The following ACOT12 variants were observed in gnomAD, a reference collection of about 807,000 sequenced individuals.
The protein encoded by ACOT12 is acetyl-coenzyme A thioesterase.
In ACOT12, 51 loss-of-function variants were observed where a neutral mutation model predicts 67.7. The ratio of observed to expected loss-of-function variants is 0.75; its 90% CI spans 0.60 to 0.95. The LOEUF (loss-of-function observed/expected upper bound fraction) is 0.95, where lower values mean the gene tolerates loss of function less well. Among genes scored for constraint, ACOT12 ranks in the 40% least tolerant of loss-of-function variants. ACOT12 has a pLI of 0.00. For synonymous variants in ACOT12, 251 were observed against 244.6 expected (o/e 1.03, Z -0.24); for missense variants, 734 against 708.1 (o/e 1.04, Z -0.41).
intron 2 of ACOT12, among the ~76,000 whole-genome samples, chr5:81,378,013 A>C (rs1264315844): frequency 6.6e-6 from 1 of 152,242 alleles, no homozygotes; most frequent in Non-Finnish European, 1.5e-5. Flanking sequence ...ACCAAAAAAG[A>C]GCCTGAATAG....
chr5:81,345,353 A>C (rs1759348482), intron 7 of ACOT12, among the ~76,000 whole-genome samples: 1 of 152,192 alleles, frequency 6.6e-6, no homozygotes, highest in South Asian at 2.1e-4. Flanking sequence ...GGAGGGCTTA[A>C]ATTATGCCAA....
the ACOT12 span, among the ~76,000 whole-genome samples, chr5:81,323,931 C>CGTGT: frequency 1.7e-5 from 2 of 118,366 alleles, no homozygotes; most frequent in Non-Finnish European, 3.8e-5. Flanking sequence ...TGTATATATA[C>CGTGT]ATATATGTGT....
the ACOT12 span, among the ~76,000 whole-genome samples, chr5:81,310,896 G>A: frequency 1.3e-5 from 2 of 152,310 alleles, no homozygotes; most frequent in South Asian, 4.1e-4. Flanking sequence ...ACTCTTGATT[G>A]TCTAAGCATT....
intron 3 of ACOT12, among the ~76,000 whole-genome samples, chr5:81,366,558 C>T (rs1760083655): frequency 6.6e-6 from 1 of 152,058 alleles, no homozygotes; most frequent in Non-Finnish European, 1.5e-5. Context: ...TGTCAATGTA[C>T]TGTGATAGCA....
chr5:81,316,436 T>C, the ACOT12 span, among the ~76,000 whole-genome samples: 1 of 152,242 alleles, frequency 6.6e-6, no homozygotes, highest in Non-Finnish European at 1.5e-5. Flanking sequence ...CTTCCTTCAG[T>C]TAACATGATG....
intron 3 of ACOT12, among the ~76,000 whole-genome samples, chr5:81,367,044 G>C (rs1344031966): frequency 6.6e-6 from 1 of 152,156 alleles, no homozygotes; most frequent in Non-Finnish European, 1.5e-5. Flanking sequence ...AGTAGCTCTA[G>C]AAACCCAAGC....
chr5:81,332,875 G>A (rs895850814), intron 12 of ACOT12, among the ~76,000 whole-genome samples: 5 of 151,952 alleles, frequency 3.3e-5, no homozygotes, highest in African/African-American at 1.2e-4. Context: ...ACTAACCTGG[G>A]CAAAATCTTG....
intron 4 of ACOT12, among the ~76,000 whole-genome samples, chr5:81,363,490 G>A (rs1370466673): frequency 6.6e-6 from 1 of 152,108 alleles, no homozygotes; most frequent in African/African-American, 2.4e-5. Flanking sequence ...AAACCAGTAG[G>A]CAGTATTTTA....
At chr5:81,321,906 C>T in the ACOT12 span, among the ~76,000 whole-genome samples, 1 of 152,090 alleles carries the variant, frequency 6.6e-6, no homozygotes, top group Non-Finnish European at 1.5e-5. Flanking sequence ...GAGATTGTGC[C>T]ACTGCACTCC....
chr5:81,381,801 C>T (rs1481176502), intron 2 of ACOT12, among the ~76,000 whole-genome samples: 2 of 152,064 alleles, frequency 1.3e-5, no homozygotes, highest in African/African-American at 4.8e-5. Context: ...AAAAGTCATT[C>T]CTACAAAATA....
the ACOT12 span, chr5:81,308,665 A>G: frequency 6.2e-7 from 1 of 1,613,690 alleles, no homozygotes; most frequent in South Asian, 1.1e-5. Flanking sequence ...GTGGGTCCAC[A>G]GAGCACGAAA....
intron 4 of ACOT12, 148 bp from the exon 5 acceptor site, chr5:81,360,186 TA>T: frequency 2.8e-6 from 2 of 716,000 alleles, no homozygotes; most frequent in Non-Finnish European, 4.2e-6. Context: ...ATGTTATGAC[TA>T]AATTTTTTCT....
At chr5:81,341,616 G>A (rs79080083) in intron 11 of ACOT12, among the ~76,000 whole-genome samples, 4,496 of 152,304 alleles carry the variant, frequency 0.03, 97 homozygotes, top group African/African-American at 0.062. Context: ...GCATTAGTGA[G>A]CATCTCTGAA....
At chr5:81,347,637 A>C in intron 6 of ACOT12, 137 bp downstream of exon 6, 1 of 912,906 alleles carries the variant, frequency 1.1e-6, no homozygotes, top group Non-Finnish European at 1.6e-6. Flanking sequence ...TAAATGATTT[A>C]GAAATCATTA....
chr5:81,360,470 T>C (rs1281663248), intron 4 of ACOT12, among the ~76,000 whole-genome samples: 1 of 152,194 alleles, frequency 6.6e-6, no homozygotes, highest in Admixed American at 6.5e-5. Context: ...ATAAAGATGT[T>C]CTAGAGAAAG....
chr5:81,348,736 T>A (rs752147766), intron 5 of ACOT12, among the ~76,000 whole-genome samples: 5 of 152,206 alleles, frequency 3.3e-5, no homozygotes, highest in Non-Finnish European at 5.9e-5. Context: ...GGCTAATTTT[T>A]GTATTTTCAG....
chr5:81,333,564 C>A (rs1758899600), intron 12 of ACOT12, among the ~76,000 whole-genome samples: 1 of 152,194 alleles, frequency 6.6e-6, no homozygotes, highest in African/African-American at 2.4e-5. Flanking sequence ...ATTTGTTCAA[C>A]TTCAATTTGG....
chr5:81,384,734 T>A (rs779356497), intron 2 of ACOT12, among the ~76,000 whole-genome samples: 15 of 152,172 alleles, frequency 9.9e-5, no homozygotes, highest in Non-Finnish European at 1.8e-4. Flanking sequence ...TGCATGACTG[T>A]ATAGACTGAA....
the ACOT12 span, among the ~76,000 whole-genome samples, chr5:81,323,137 G>GTAAACTA: frequency 6.7e-6 from 1 of 149,358 alleles, no homozygotes; most frequent in African/African-American, 2.5e-5. Flanking sequence ...AAAGAATGAA[G>GTAAACTA]GAACAAACTA....
Sources: gnomAD v4.1 joint callset for allele counts (sites outside exome capture counted in the v4.1 genomes callset) on GRCh38, gnomAD v4.1.1 for gene constraint, MANE v1.5 for transcripts, NCBI Gene and HGNC (gene_info 2026-07-23, HGNC 2026-07-21) for gene names.